MAGI1: variants seen among roughly 807,000 people sequenced by gnomAD.
MAGI1 encodes membrane-associated guanylate kinase, WW and PDZ domain-containing protein 1.
In MAGI1, 58 loss-of-function variants were observed where a neutral mutation model predicts 139.9. That is an observed-to-expected ratio of 0.41 (90% CI 0.34 to 0.52). The LOEUF (loss-of-function observed/expected upper bound fraction) is 0.52, where lower values mean the gene tolerates loss of function less well. Ranked by LOEUF, MAGI1 falls within the 20% of genes least tolerant of loss-of-function variation. MAGI1 has a pLI of 0.12. For synonymous variants in MAGI1, 812 were observed against 737.9 expected, an observed-to-expected ratio of 1.10 and a Z score of -1.63; for missense variants, 1,874 against 1,901.6, an observed-to-expected ratio of 0.99 and a Z score of 0.27.
intron 13 of MAGI1, among the ~76,000 whole-genome samples, chr3:65,399,325 C>G (rs1226228900): frequency 6.6e-6 from 1 of 152,220 alleles, no homozygotes; most frequent in East Asian, 1.9e-4. Flanking sequence ...GTCTCCCTGG[C>G]AGGACATCAT....
chr3:65,997,787 T>C (rs1215391992), intron 1 of MAGI1, among the ~76,000 whole-genome samples: 1 of 152,016 alleles, frequency 6.6e-6, no homozygotes, highest in African/African-American at 2.4e-5. Context: ...ACACACCCTC[T>C]CCCCCTCGAC....
rs2083700945 is a variant in MAGI1 at position 65,622,069 on chromosome 3, G to A, written c.333C>T (p.Asp111=). The A allele has an allele frequency of 1.9e-6, 3 of 1,613,590 alleles. No individual in the cohort carries two copies. Among genetic ancestry groups the A allele is most frequent in the African/African-American group, 1.3e-5 (1 of 74,876 alleles). ...ATCGCTGATTGAGAAAATGTCGCAG[G>A]TCCTTGTTCAGCCTTCCTCCTGCAG... ...AVRQGGRLNK[D]LRHFLNQRFQ... The change falls in exon 2 of 23, where the codon GAC becomes GAT. Residue 111 remains aspartate, a synonymous_variant. Coordinates refer to ENST00000402939, the MANE Select transcript of MAGI1 (RefSeq NM_001033057.2).
At chr3:65,468,003 T>C (rs1950277508) in intron 5 of MAGI1, among the ~76,000 whole-genome samples, 1 of 152,182 alleles carries the variant, frequency 6.6e-6, no homozygotes, top group Admixed American at 6.5e-5. Context: ...CCAAGAACTT[T>C]AGCTTCTCTA....
At chr3:65,984,673 C>T (rs1021042774) in intron 1 of MAGI1, among the ~76,000 whole-genome samples, 6 of 148,974 alleles carry the variant, frequency 4.0e-5, no homozygotes, top group South Asian at 2.2e-4. Flanking sequence ...GTAGCTGGGA[C>T]CACAGGCATG....
chr3:65,924,860 C>T (rs1001276615), intron 1 of MAGI1: 4 of 152,196 alleles, frequency 2.6e-5, no homozygotes, highest in African/African-American at 4.8e-5. Context: ...TAGTTAAGTG[C>T]TAAATAAAAG....
At chr3:65,358,559 C>T (rs1442592238) in intron 22 of MAGI1, among the ~76,000 whole-genome samples, 1 of 152,204 alleles carries the variant, frequency 6.6e-6, no homozygotes, top group Non-Finnish European at 1.5e-5. Flanking sequence ...ATCTCTGTTA[C>T]AGCTATTCAG....
At chr3:66,017,652 A>G (rs553112477) in intron 1 of MAGI1, among the ~76,000 whole-genome samples, 1 of 152,326 alleles carries the variant, frequency 6.6e-6, no homozygotes, top group Middle Eastern at 3.4e-3. Flanking sequence ...ACTTCACAGC[A>G]CGTGCTAAGG....
At chr3:65,495,337 T>C (rs544937596) in intron 2 of MAGI1, among the ~76,000 whole-genome samples, 1 of 152,324 alleles carries the variant, frequency 6.6e-6, no homozygotes, top group South Asian at 2.1e-4. Flanking sequence ...TGCTCAATAA[T>C]TTTTAGTAGA....
intron 2 of MAGI1, among the ~76,000 whole-genome samples, chr3:65,576,546 C>T (rs901661567): frequency 6.6e-6 from 1 of 152,154 alleles, no homozygotes; most frequent in Admixed American, 6.6e-5. Flanking sequence ...TAGGCAAATA[C>T]GTTTTTATCT....
intron 1 of MAGI1, among the ~76,000 whole-genome samples, chr3:65,971,779 T>C (rs1287759519): frequency 6.6e-6 from 1 of 152,152 alleles, no homozygotes; most frequent in Non-Finnish European, 1.5e-5. Context: ...TCCCTGGACT[T>C]TAACCAGCTC....
chr3:65,459,754 C>T (rs1949649082), intron 5 of MAGI1, among the ~76,000 whole-genome samples: 1 of 152,012 alleles, frequency 6.6e-6, no homozygotes. Flanking sequence ...AAAACCCTGT[C>T]TCTATAAAAA....
chr3:65,965,152 T>G (rs936915856), intron 1 of MAGI1, among the ~76,000 whole-genome samples: 2 of 152,168 alleles, frequency 1.3e-5, no homozygotes, highest in Admixed American at 6.5e-5. Flanking sequence ...ATGCAACTAT[T>G]TGGTAAATGT....
At chr3:65,359,643 G>A (rs1207388408) in intron 22 of MAGI1, 18 of 990,340 alleles carry the variant, frequency 1.8e-5, no homozygotes, top group Non-Finnish European at 2.2e-5. Flanking sequence ...TAACCCATTT[G>A]TGACTCTAAT....
chr3:65,363,385 T>G, intron 21 of MAGI1, 80 bp downstream of exon 21: 2 of 1,459,088 alleles, frequency 1.4e-6, no homozygotes, highest in Non-Finnish European at 1.8e-6. Context: ...CTTATGAACA[T>G]GAACATTCTA....
intron 1 of MAGI1, among the ~76,000 whole-genome samples, chr3:65,746,592 C>T (rs1278619413): frequency 6.6e-6 from 1 of 152,072 alleles, no homozygotes; most frequent in African/African-American, 2.4e-5. Context: ...TGAATTCACC[C>T]GTCCTCTTCT....
intron 1 of MAGI1, chr3:65,718,325 C>T (rs747540690): frequency 5.9e-5 from 9 of 152,038 alleles, no homozygotes; most frequent in Admixed American, 1.3e-4. Flanking sequence ...AAAAGGATAA[C>T]GGTGAGAACT....
chr3:65,909,206 C>T (rs1378868759), intron 1 of MAGI1, among the ~76,000 whole-genome samples: 7 of 152,082 alleles, frequency 4.6e-5, no homozygotes, highest in Non-Finnish European at 8.8e-5. Flanking sequence ...CTAGTATCAA[C>T]ATTATTTCCA....
intron 1 of MAGI1, among the ~76,000 whole-genome samples, chr3:65,981,547 A>G (rs1560078693): frequency 6.6e-6 from 1 of 152,302 alleles, no homozygotes; most frequent in African/African-American, 2.4e-5. Flanking sequence ...GAGAGACTGT[A>G]TTAGATATAT....
At chr3:65,979,032 A>G (rs2065411943) in intron 1 of MAGI1, among the ~76,000 whole-genome samples, 1 of 150,642 alleles carries the variant, frequency 6.6e-6, no homozygotes. Context: ...CGTTTTTTTA[A>G]AATTCTGGAA....
Sources: gnomAD v4.1 joint callset for allele counts (sites outside exome capture counted in the v4.1 genomes callset) on GRCh38, gnomAD v4.1.1 for gene constraint, MANE v1.5 for transcripts, NCBI Gene and HGNC (gene_info 2026-07-23, HGNC 2026-07-21) for gene names.